CDK6: variants seen among roughly 807,000 people sequenced by gnomAD.
The protein encoded by CDK6 is cyclin dependent kinase 6, also known as cyclin-dependent kinase 6.
CDK6 carries 6 observed loss-of-function variants against 37.1 expected under a neutral mutation model. That is an observed-to-expected ratio of 0.16 (90% CI 0.09 to 0.32). The LOEUF (loss-of-function observed/expected upper bound fraction) is 0.32. Among genes scored for constraint, CDK6 ranks in the 10% least tolerant of loss-of-function variants. CDK6 has a pLI of 1.00. For missense variants in CDK6, 224 were observed against 418.9 expected, an observed-to-expected ratio of 0.53 and a Z score of 4.06; for synonymous variants, 160 against 161.3, an observed-to-expected ratio of 0.99 and a Z score of 0.06.
chr7:92,615,031 A>C lies in CDK6; in HGVS notation c.*109T>G. The C allele has an allele frequency of 8.9e-7, 1 of 1,122,958 alleles. No homozygotes were observed. 69.6% of individuals were successfully genotyped at this position (1,122,958 alleles called of 1,614,324 possible). A position where few individuals can be genotyped will look rare whatever the true frequency, so the allele number is the denominator to read the frequency against. On this transcript the variant is annotated 3_prime_UTR_variant, in exon 8 of 8. Transcript: ENST00000424848. ...AGCCTGTCCAGAAGACAGCAGCTGGAAGGCCTCCAGATAGCAATCCTCCAC... is the reference window on the plus strand; with the variant it reads ...AGCCTGTCCAGAAGACAGCAGCTGGCAGGCCTCCAGATAGCAATCCTCCAC...
intron 2 of CDK6, among the ~76,000 whole-genome samples, chr7:92,820,869 A>C (rs1801154742): frequency 6.6e-6 from 1 of 151,828 alleles, no homozygotes; most frequent in Admixed American, 6.6e-5. Context: ...AGTACTGGGA[A>C]TAGGAATAGC....
intron 2 of CDK6, among the ~76,000 whole-genome samples, chr7:92,805,165 T>C (rs1350114083): frequency 6.6e-6 from 1 of 152,190 alleles, no homozygotes; most frequent in South Asian, 2.1e-4. Context: ...AAGAGGGGCA[T>C]GGCTAGACTT....
At chr7:92,674,889 T>C (rs1797169648) in intron 4 of CDK6, among the ~76,000 whole-genome samples, 1 of 152,218 alleles carries the variant, frequency 6.6e-6, no homozygotes, top group Non-Finnish European at 1.5e-5. Context: ...TGGAATGCAA[T>C]GGTGCGATCT....
intron 2 of CDK6, among the ~76,000 whole-genome samples, chr7:92,825,915 C>T (rs1177150309): frequency 6.6e-6 from 1 of 152,034 alleles, no homozygotes; most frequent in Non-Finnish European, 1.5e-5. Flanking sequence ...ATGAATTATA[C>T]TTAAACTTTC....
chr7:92,671,837 T>C (rs545602210), intron 4 of CDK6, among the ~76,000 whole-genome samples: 1 of 151,744 alleles, frequency 6.6e-6, no homozygotes, highest in African/African-American at 2.4e-5. Context: ...CCGTTTTTTT[T>C]CTCCCCCCCT....
intron 2 of CDK6, among the ~76,000 whole-genome samples, chr7:92,803,376 G>A (rs1410723972): frequency 3.3e-5 from 5 of 152,210 alleles, no homozygotes; most frequent in Admixed American, 3.3e-4. Flanking sequence ...GTGAACGTTA[G>A]TACTAAAGTT....
chr7:92,635,029 G>A (rs952295196), intron 5 of CDK6, among the ~76,000 whole-genome samples: 6 of 152,154 alleles, frequency 3.9e-5, no homozygotes, highest in Admixed American at 1.3e-4. Flanking sequence ...CAAAAGCACC[G>A]AGGATTAGTA....
rs187276523 is a variant in CDK6 at position 92,636,516 on chromosome 7, T to C, written c.648-13430A>G. Among the ~76,000 whole-genome samples, 749 of 152,328 alleles carry C rather than the reference T, an allele frequency of 4.9e-3. 15 individuals carry two copies. Among genetic ancestry groups the C allele is most frequent in the Non-Finnish European group, 5.9e-3 (404 of 68,036 alleles). On this transcript the variant is annotated intron_variant, in intron 5 of 7. Transcript: ENST00000424848. ...TCTAGAGAGGTACAACTCTCTGTCA[T>C]ATTTTTGATTTTATAACTATAAGAG...
At chr7:92,819,650 C>T (rs924721694) in intron 2 of CDK6, among the ~76,000 whole-genome samples, 2 of 151,864 alleles carry the variant, frequency 1.3e-5, no homozygotes, top group South Asian at 4.1e-4. Flanking sequence ...TAAACACTGA[C>T]AGAAACAGAG....
In CDK6 at chr7:92,750,551, G is replaced by A. The variant is rs139315967; in HGVS notation, c.369+24145C>T. Among the ~76,000 whole-genome samples the A allele has an allele frequency of 1.3e-3, 193 of 152,272 alleles. 4 individuals carry two copies. In the East Asian group the frequency reaches 0.031, roughly 25 times the overall value. On this transcript the variant is annotated intron_variant, in intron 3 of 7. Coordinates refer to ENST00000424848, the MANE Select transcript of CDK6 (RefSeq NM_001145306.2). ...TGAAAATTACAAGAAAGAGTAAAAC[G>A]GGAATGGGCTGACTTTACATGATCT...
At chr7:92,679,327 A>G (rs567876445) in intron 4 of CDK6, among the ~76,000 whole-genome samples, 117 of 152,300 alleles carry the variant, frequency 7.7e-4, no homozygotes, top group Middle Eastern at 3.4e-3. Context: ...TGATATGGCA[A>G]TGGCAATGAA....
intron 2 of CDK6, among the ~76,000 whole-genome samples, chr7:92,798,514 C>T (rs1381436490): frequency 1.3e-5 from 2 of 152,180 alleles, no homozygotes; most frequent in Non-Finnish European, 2.9e-5. Flanking sequence ...CCAGTTAGCA[C>T]ACTAATTTTT....
intron 3 of CDK6, among the ~76,000 whole-genome samples, chr7:92,736,655 A>G (rs1210112043): frequency 6.6e-6 from 1 of 152,206 alleles, no homozygotes; most frequent in Non-Finnish European, 1.5e-5. Flanking sequence ...ACACTGCTAA[A>G]TGGGACCACA....
At chr7:92,801,691 G>GGA (rs1800579728) in intron 2 of CDK6, among the ~76,000 whole-genome samples, 1 of 150,296 alleles carries the variant, frequency 6.7e-6, no homozygotes, top group Admixed American at 6.6e-5. Flanking sequence ...GTGTGATATC[G>GGA]GTTCACTGTC....
At chr7:92,676,016 AC>A (rs1797194938) in intron 4 of CDK6, among the ~76,000 whole-genome samples, 2 of 152,030 alleles carry the variant, frequency 1.3e-5, no homozygotes, top group African/African-American at 4.8e-5. Context: ...ATATAAAAAA[AC>A]TGACATAATT....
intron 2 of CDK6, among the ~76,000 whole-genome samples, chr7:92,799,615 T>C (rs1426228862): frequency 1.3e-5 from 2 of 152,084 alleles, no homozygotes; most frequent in East Asian, 3.9e-4. Context: ...TCAGAGGCAA[T>C]TTTGAACCGC....
Position 92,771,337 on chromosome 7 carries a change from C to T in CDK6, c.369+3359G>A, listed in dbSNP as rs540477309. ...ATAAAATATCTTAGACACGTGACTC[C>T]GTCTCAAAAAAAAATAAAAATATCT... On this transcript the variant is annotated intron_variant, in intron 3 of 7. Transcript: ENST00000424848. Among the ~76,000 whole-genome samples, 3 of 148,620 alleles carry T rather than the reference C, an allele frequency of 2.0e-5. No individual in the cohort carries two copies. The East Asian group carries it at 5.9e-4, about 29-fold the overall frequency.
At chr7:92,744,710 T>C (rs1799014116) in intron 3 of CDK6, among the ~76,000 whole-genome samples, 1 of 152,238 alleles carries the variant, frequency 6.6e-6, no homozygotes, top group Non-Finnish European at 1.5e-5. Context: ...GTACACATTA[T>C]TATTTTACAG....
chr7:92,606,613 T>TA lies in CDK6; in HGVS notation c.*8526dup. The TA allele has an allele frequency of 4.3e-6, 1 of 230,406 alleles. No individual in the cohort carries two copies. The highest frequency in any genetic ancestry group is 8.5e-6 in the Non-Finnish European group (1 of 117,672). 14.3% of individuals were successfully genotyped at this position (230,406 alleles called of 1,614,324 possible). ...GAACCATGATTTCAAACACAGAAAC[T>TA]AACAAGTCAAATTTCCAAATTAGAT... On this transcript the variant is annotated 3_prime_UTR_variant, in exon 8 of 8. Transcript: ENST00000424848.
Sources: allele counts gnomAD v4.1 joint callset (sites outside exome capture counted in the v4.1 genomes callset), GRCh38; gene constraint gnomAD v4.1.1; transcripts MANE v1.5; gene names NCBI Gene and HGNC (gene_info 2026-07-23, HGNC 2026-07-21).